PDIA5: variants seen among roughly 807,000 people sequenced by gnomAD.
PDIA5 encodes protein disulfide isomerase family A member 5, also known as protein disulfide-isomerase A5.
Under a neutral mutation model 77.6 loss-of-function variants are expected in PDIA5, and 58 were observed. The ratio of observed to expected loss-of-function variants is 0.75; its 90% CI spans 0.61 to 0.93. The LOEUF is 0.93. PDIA5 is among the 40% of genes least tolerant of loss of function. The pLI, the probability that PDIA5 is intolerant of heterozygous loss-of-function variation, is 0.00. For missense variants in PDIA5, 630 were observed against 647.7 expected, an observed-to-expected ratio of 0.97 and a Z score of 0.30; for synonymous variants, 250 against 252.1, an observed-to-expected ratio of 0.99 and a Z score of 0.08.
At chr3:123,145,449 C>T in intron 11 of PDIA5, 73 bp from the exon 12 acceptor site, 1 of 1,119,746 alleles carries the variant, frequency 8.9e-7, no homozygotes, top group Non-Finnish European at 1.4e-6. Context: ...AGCTGCCTTA[C>T]AGAGGCGGCG....
chr3:123,130,981 T>G (rs1043845989), intron 11 of PDIA5, among the ~76,000 whole-genome samples: 4 of 152,120 alleles, frequency 2.6e-5, no homozygotes, highest in African/African-American at 9.7e-5. Context: ...GAAATAAAAT[T>G]AGGGCTGATA....
chr3:123,135,064 G>A (rs1935465926), intron 11 of PDIA5, among the ~76,000 whole-genome samples: 1 of 152,230 alleles, frequency 6.6e-6, no homozygotes, highest in African/African-American at 2.4e-5. Context: ...TCTGCAAATG[G>A]TGTGTCAGGA....
intron 7 of PDIA5, among the ~76,000 whole-genome samples, chr3:123,114,179 A>G (rs992545412): frequency 5.3e-5 from 8 of 152,242 alleles, no homozygotes; most frequent in African/African-American, 1.9e-4. Flanking sequence ...GAGAGGCCAC[A>G]CTGTGGAGAC....
intron 11 of PDIA5, among the ~76,000 whole-genome samples, chr3:123,140,371 GA>G (rs1198722217): frequency 6.7e-6 from 1 of 148,714 alleles, no homozygotes; most frequent in Non-Finnish European, 1.5e-5. Flanking sequence ...TGATCTGATT[GA>G]TGTTTTGAAA....
chr3:123,151,902 T>TG, intron 14 of PDIA5, among the ~76,000 whole-genome samples: 1 of 148,206 alleles, frequency 6.7e-6, no homozygotes, highest in Non-Finnish European at 1.5e-5. Context: ...CCTTCCTGCC[T>TG]GCCTTCCTTC....
Position 123,139,856 on chromosome 3 carries a change from T to G in PDIA5, c.911-5666T>G, listed in dbSNP as rs368204434. ...AGCAGCGTGGTCAGTATCAGGAATA[T>G]GGTGGCCAATTAGACAAGACAGCCG... is the stretch of plus-strand genomic sequence containing the variant. On this transcript the variant is annotated intron_variant, in intron 11 of 16. Transcript: ENST00000316218. Among the ~76,000 whole-genome samples the G allele has an allele frequency of 7.9e-5, 12 of 152,134 alleles. 1 individual carries two copies. Among genetic ancestry groups the G allele is most frequent in the East Asian group, 3.9e-4 (2 of 5,170 alleles).
intron 2 of PDIA5, among the ~76,000 whole-genome samples, chr3:123,091,828 T>A: frequency 6.6e-6 from 1 of 152,168 alleles, no homozygotes; most frequent in East Asian, 1.9e-4. Flanking sequence ...CATTTTATCA[T>A]CAGGTTGTAC....
rs149398866 is a variant in PDIA5 at position 123,100,309 on chromosome 3, G to A, written c.258-2102G>A. Among the ~76,000 whole-genome samples, 586 of 152,368 alleles carry A rather than the reference G, an allele frequency of 3.8e-3. 2 individuals are homozygous for A. Among genetic ancestry groups the A allele is most frequent in the African/African-American group, 0.013 (553 of 41,590 alleles). ...AGTCCCTGCGGGACGGGGCACACCT[G>A]AACTGTAATAGCAGTTGTCAGAAGA... On this transcript the variant is annotated intron_variant, in intron 3 of 16. Transcript: ENST00000316218.
At chr3:123,107,116 T>A (rs944328983) in intron 6 of PDIA5, among the ~76,000 whole-genome samples, 3 of 152,264 alleles carry the variant, frequency 2.0e-5, no homozygotes, top group Non-Finnish European at 2.9e-5. Context: ...CATACATTAA[T>A]GTAGATTTAA....
At chr3:123,126,267 C>T (rs836857) in intron 10 of PDIA5, among the ~76,000 whole-genome samples, 24,514 of 151,422 alleles carry the variant, frequency 0.16, 2,148 homozygotes, top group Middle Eastern at 0.23. Flanking sequence ...CGCATTGCTC[C>T]GGCTGGCCTG....
intron 10 of PDIA5, among the ~76,000 whole-genome samples, chr3:123,125,864 A>T (rs763668035): frequency 6.6e-6 from 1 of 152,168 alleles, no homozygotes; most frequent in African/African-American, 2.4e-5. Flanking sequence ...GCTGCCCATT[A>T]TCATGTGTTC....
intron 1 of PDIA5, among the ~76,000 whole-genome samples, chr3:123,075,967 A>G (rs1336293073): frequency 6.6e-6 from 1 of 152,148 alleles, no homozygotes; most frequent in Non-Finnish European, 1.5e-5. Flanking sequence ...CTGTGTCACC[A>G]TTGTCTGCTT....
chr3:123,095,765 A>C (rs1433699089), intron 3 of PDIA5, among the ~76,000 whole-genome samples: 1 of 151,908 alleles, frequency 6.6e-6, no homozygotes, highest in Non-Finnish European at 1.5e-5. Flanking sequence ...AAAAAAAAAA[A>C]AAAGTACAGG....
Position 123,106,850 on chromosome 3 carries a change from T to C in PDIA5, c.480+9T>C, listed in dbSNP as rs746196273. 1 of 1,586,596 alleles carries C rather than the reference T, an allele frequency of 6.3e-7. No homozygotes were observed. Among genetic ancestry groups the C allele is most frequent in the South Asian group, 1.1e-5 (1 of 90,294 alleles). On this transcript the variant is annotated intron_variant, in intron 6 of 16. Transcript: ENST00000316218. ...ACCTTGACAGTGAAAAGGTAATGTA[T>C]TCCCCGTCAGTTCTGATGGATGCTG...
rs776885975 is a variant in PDIA5 at position 123,116,232 on chromosome 3, G to A, written c.543G>A (p.Trp181Ter). 1.9e-6 allele frequency: 3 copies of A among 1,613,890 alleles called. No homozygotes were observed. The highest frequency in any genetic ancestry group is 2.5e-6 in the Non-Finnish European group (3 of 1,179,816). ...KPLLIMFYAP[W>*]CSMCKRMMPH... ...GGTCTCTCTCCTGCCTGTGACCAGGGTGCAGCATGTGCAAGAGGATGATGC... is the reference window on the plus strand; with the variant it reads ...GGTCTCTCTCCTGCCTGTGACCAGGATGCAGCATGTGCAAGAGGATGATGC... Residue 181 changes from tryptophan to a stop codon, truncating the protein, a stop_gained and splice_region_variant, in exon 8 of 17, where the codon TGG (tryptophan) becomes TGA (stop). Transcript: ENST00000316218. LOFTEE classifies it high-confidence loss of function.
chr3:123,111,386 GC>G (rs1363178427), intron 7 of PDIA5, among the ~76,000 whole-genome samples: 3 of 152,238 alleles, frequency 2.0e-5, no homozygotes, highest in African/African-American at 7.2e-5. Flanking sequence ...CCAGAGCCTG[GC>G]CCGCCTCTGG....
intron 13 of PDIA5, among the ~76,000 whole-genome samples, chr3:123,148,360 G>A (rs1935815069): frequency 6.6e-6 from 1 of 152,072 alleles, no homozygotes. Context: ...TTGAGTTCAG[G>A]AGTTCAAGAC....
chr3:123,106,679 G>GT, intron 5 of PDIA5, 70 bp from the exon 6 acceptor site: 1 of 1,107,848 alleles, frequency 9.0e-7, no homozygotes, highest in Non-Finnish European at 1.4e-6. Flanking sequence ...AAGAGGACAG[G>GT]TTCCTGATTC....
At position 123,151,782 on chromosome 3, in the gene PDIA5, G is replaced by GCCTGCCT. The variant is rs1190186464; in HGVS notation, c.1273+1418_1273+1419insCCTGCCT. On this transcript the variant is annotated intron_variant, in intron 14 of 16. Coordinates refer to ENST00000316218, the MANE Select transcript of PDIA5 (RefSeq NM_006810.4). ...TGCCTGCCTGCCTGCCTGCCTGCCTGGCCTGCCTTCCTGCCTGCCTGCCTT... is the reference window on the plus strand; with the variant it reads ...TGCCTGCCTGCCTGCCTGCCTGCCTGCCTGCCTGCCTGCCTTCCTGCCTGCCTGCCTT... Among the ~76,000 whole-genome samples the GCCTGCCT allele has an allele frequency of 1.6e-4, 8 of 50,100 alleles. 1 individual carries two copies. The highest frequency in any genetic ancestry group is 5.0e-4 in the African/African-American group (6 of 11,994). 32.9% of individuals were successfully genotyped at this position (50,100 alleles called of 152,430 possible). A position where few individuals can be genotyped will look rare whatever the true frequency, so the allele number is the denominator to read the frequency against.
Sources: allele counts gnomAD v4.1 joint callset (sites outside exome capture counted in the v4.1 genomes callset), GRCh38; gene constraint gnomAD v4.1.1; transcripts MANE v1.5; gene names NCBI Gene and HGNC (gene_info 2026-07-23, HGNC 2026-07-21).